Variants in DLG2 observed in about 807,000 individuals in gnomAD.
DLG2 encodes discs large MAGUK scaffold protein 2.
In DLG2, 45 loss-of-function variants were observed where a neutral mutation model predicts 132.5. That is an observed-to-expected ratio of 0.34 (90% CI 0.27 to 0.44). The LOEUF is 0.44. Among genes scored for constraint, DLG2 ranks in the 20% least tolerant of loss-of-function variants. The pLI is 1.00. For missense variants in DLG2, 1,045 were observed against 1,196.9 expected, an observed-to-expected ratio of 0.87 and a Z score of 1.87; for synonymous variants, 424 against 419.6, an observed-to-expected ratio of 1.01 and a Z score of -0.13.
chr11:85,331,392 G>C (rs1036497555), intron 3 of DLG2, among the ~76,000 whole-genome samples: 9 of 152,034 alleles, frequency 5.9e-5, no homozygotes, highest in African/African-American at 1.9e-4. Flanking sequence ...ACTTCTTTTT[G>C]TGTGCCTTGC....
intron 6 of DLG2, among the ~76,000 whole-genome samples, chr11:84,736,398 G>C (rs1230190851): frequency 6.6e-6 from 1 of 151,398 alleles, no homozygotes; most frequent in Admixed American, 6.6e-5. Context: ...GAATTAACCT[G>C]TTAATTCTAC....
intron 8 of DLG2, among the ~76,000 whole-genome samples, chr11:84,196,951 C>T (rs772289814): frequency 2.0e-5 from 3 of 147,130 alleles, no homozygotes; most frequent in South Asian, 2.2e-4. Flanking sequence ...GCAAGAGAAG[C>T]GCTTGAACCC....
chr11:84,822,251 C>A (rs142956034), intron 6 of DLG2, among the ~76,000 whole-genome samples: 1 of 151,870 alleles, frequency 6.6e-6, no homozygotes, highest in African/African-American at 2.4e-5. Context: ...AACTCCTCCT[C>A]CTACTCCCAG....
Position 83,753,819 on chromosome 11 carries a change from T to TG in DLG2, c.1825+32870_1825+32871insC, listed in dbSNP as rs1466620400. Among the ~76,000 whole-genome samples, 299 of 72,360 alleles carry TG rather than the reference T, an allele frequency of 4.1e-3. 15 individuals are homozygous for TG. The South Asian group carries it at 0.048, about 12-fold the overall frequency. 47.5% of individuals were successfully genotyped at this position (72,360 alleles called of 152,430 possible). On this transcript the variant is annotated intron_variant, in intron 18 of 27. Transcript: ENST00000376104. Reference sequence around the variant, plus strand: ...TGATATATCATATATATCATATATATATTTCATATATATATGATATATATC... The same window carrying TG: ...TGATATATCATATATATCATATATATGATTTCATATATATATGATATATATC...
chr11:85,109,856 G>T (rs1046169320), intron 6 of DLG2, among the ~76,000 whole-genome samples: 4 of 152,068 alleles, frequency 2.6e-5, no homozygotes, highest in Non-Finnish European at 2.9e-5. Flanking sequence ...AAGTGTTAAA[G>T]AATGATGAAG....
intron 6 of DLG2, among the ~76,000 whole-genome samples, chr11:85,010,812 T>C (rs1019120877): frequency 6.6e-6 from 1 of 152,174 alleles, no homozygotes; most frequent in Non-Finnish European, 1.5e-5. Context: ...TAATTGCTTT[T>C]GGTTTCCACC....
At position 83,588,531 on chromosome 11, in the gene DLG2, C is replaced by A. The variant is rs373452147; in HGVS notation, c.1940+44680G>T. Among the ~76,000 whole-genome samples, 1,303 of 152,172 alleles carry A rather than the reference C, an allele frequency of 8.6e-3. 18 individuals carry two copies. Among genetic ancestry groups the A allele is most frequent in the Non-Finnish European group, 0.011 (764 of 68,016 alleles). On this transcript the variant is annotated intron_variant, in intron 19 of 27. Transcript: ENST00000376104. ...AGACCAAAAGTAGATAAAACCACAA[C>A]GATGGGGAAAAAACAGAACAGAAAA...
chr11:83,696,487 C>T (rs1404006270), intron 18 of DLG2, among the ~76,000 whole-genome samples: 2 of 152,066 alleles, frequency 1.3e-5, no homozygotes, highest in African/African-American at 4.8e-5. Flanking sequence ...GCACTCATTC[C>T]TTGAGTCACA....
intron 18 of DLG2, among the ~76,000 whole-genome samples, chr11:83,642,391 T>C (rs2066842659): frequency 1.3e-5 from 2 of 152,320 alleles, no homozygotes; most frequent in Admixed American, 1.3e-4. Context: ...TGTTTTCAGA[T>C]AGAATTGGGA....
At chr11:83,560,835 G>A (rs630105) in intron 19 of DLG2, among the ~76,000 whole-genome samples, 1 of 151,894 alleles carries the variant, frequency 6.6e-6, no homozygotes, top group Non-Finnish European at 1.5e-5. Flanking sequence ...TAAGTCCTCC[G>A]TAAATCATTT....
chr11:85,372,818 C>T (rs560525535), intron 3 of DLG2, among the ~76,000 whole-genome samples: 17 of 152,314 alleles, frequency 1.1e-4, no homozygotes, highest in South Asian at 2.1e-4. Context: ...GGAAAGTGGA[C>T]GCTCTTCCCT....
chr11:83,585,016 T>C (rs1416474650), intron 19 of DLG2, among the ~76,000 whole-genome samples: 1 of 152,212 alleles, frequency 6.6e-6, no homozygotes, highest in African/African-American at 2.4e-5. Flanking sequence ...TTCTGTGCTT[T>C]AAATTTTTCA....
At chr11:84,336,043 C>G (rs1186562157) in intron 7 of DLG2, among the ~76,000 whole-genome samples, 1 of 152,092 alleles carries the variant, frequency 6.6e-6, no homozygotes, top group Non-Finnish European at 1.5e-5. Context: ...ATTCATGTAG[C>G]AATTCAAATA....
chr11:84,653,486 C>T (rs2154546930), intron 6 of DLG2, among the ~76,000 whole-genome samples: 2 of 152,292 alleles, frequency 1.3e-5, no homozygotes, highest in Non-Finnish European at 2.9e-5. Flanking sequence ...ATTCCTGCCT[C>T]CAGTAATGAC....
rs5793141 is a variant in DLG2, at chr11:84,838,402, G to GAAA, written c.357+273256_357+273258dup. On this transcript the variant is annotated intron_variant, in intron 6 of 27. Coordinates refer to ENST00000376104, the MANE Select transcript of DLG2 (RefSeq NM_001142699.3). ...GAAGCACAAGACAGATTGAATGACTGAAAAAAAAAAGGAGGATGCCATGTT... is the reference window on the plus strand; with the variant it reads ...GAAGCACAAGACAGATTGAATGACTGAAAAAAAAAAAAAGGAGGATGCCATGTT... Among the ~76,000 whole-genome samples, 324 of 148,904 alleles carry GAAA rather than the reference G, an allele frequency of 2.2e-3. 2 individuals are homozygous for GAAA. Among genetic ancestry groups the GAAA allele is most frequent in the African/African-American group, 7.7e-3 (313 of 40,722 alleles).
At chr11:84,310,674 C>A (rs1462135883) in intron 7 of DLG2, among the ~76,000 whole-genome samples, 2 of 152,198 alleles carry the variant, frequency 1.3e-5, no homozygotes, top group African/African-American at 4.8e-5. Context: ...TGGGGGACAG[C>A]TGCTATTTCC....
In DLG2 at chr11:84,027,727, T is replaced by A. The variant is rs1057135293; in HGVS notation, c.919+31588A>T. 4.7e-4 allele frequency among the ~76,000 whole-genome samples: 72 copies of A among 152,206 alleles called. 1 individual carries two copies. Among genetic ancestry groups the A allele is most frequent in the African/African-American group, 1.7e-3 (70 of 41,574 alleles). The stretch of plus-strand genomic sequence containing the variant: ...CAGTTGGCCAATATTTAACTTTGTA[T>A]ATTAATTCAGCAAAAGTTGGATATC... On this transcript the variant is annotated intron_variant, in intron 11 of 27. Coordinates refer to ENST00000376104, the MANE Select transcript of DLG2 (RefSeq NM_001142699.3).
At chr11:84,119,650 A>G (rs1036428722) in intron 9 of DLG2, among the ~76,000 whole-genome samples, 2 of 152,172 alleles carry the variant, frequency 1.3e-5, no homozygotes, top group African/African-American at 4.8e-5. Flanking sequence ...CCCCATTTTT[A>G]CCTACTTTTT....
chr11:84,009,847 T>C (rs1177207482), intron 11 of DLG2, among the ~76,000 whole-genome samples: 3 of 152,088 alleles, frequency 2.0e-5, no homozygotes, highest in African/African-American at 7.2e-5. Context: ...ATGAGGCAGG[T>C]ATTATAACAT....
Sources: allele counts gnomAD v4.1 joint callset (sites outside exome capture counted in the v4.1 genomes callset), GRCh38; gene constraint gnomAD v4.1.1; transcripts MANE v1.5; gene names NCBI Gene and HGNC (gene_info 2026-07-23, HGNC 2026-07-21).